VAV2: variants seen among roughly 807,000 people sequenced by gnomAD.
VAV2 encodes the protein guanine nucleotide exchange factor VAV2.
VAV2 carries 67 observed loss-of-function variants against 132.5 expected under a neutral mutation model. The observed-to-expected ratio is 0.51, with a 90% confidence interval of 0.42 to 0.62. The LOEUF is 0.62. Among genes scored for constraint, VAV2 ranks in the 20% least tolerant of loss-of-function variants. The probability of loss-of-function intolerance (pLI) is 0.00; values close to 1 mark genes in which losing one functional copy is unlikely to be tolerated. For missense variants in VAV2, 938 were observed against 1,153.6 expected (o/e 0.81, Z 2.71); for synonymous variants, 492 against 443.5 (o/e 1.11, Z -1.37).
rs766419867 is a variant in VAV2 at position 133,769,507 on chromosome 9, CAA to C, written c.2348-6_2348-5del. 5.0e-6 allele frequency: 8 copies of C among 1,610,342 alleles called. No individual in the cohort carries two copies. The highest frequency in any genetic ancestry group is 6.8e-6 in the Non-Finnish European group (8 of 1,178,422). ...AAGTTGTAGGAAGCACAGGAAGCTGCAAAGAGGCGAGAGAGAACGTGAGGCGG... is the reference window on the plus strand; with the variant it reads ...AAGTTGTAGGAAGCACAGGAAGCTGCAGAGGCGAGAGAGAACGTGAGGCGG... On this transcript the variant is annotated splice_region_variant and splice_polypyrimidine_tract_variant and intron_variant, in intron 27 of 29. Coordinates refer to ENST00000371850, the MANE Select transcript of VAV2 (RefSeq NM_001134398.2). This position sits in a 1 kb window ranked among gnomAD's most constrained non-coding sequence, Gnocchi z 8.1.
At chr9:133,989,283 G>A (rs1842943629) in intron 1 of VAV2, among the ~76,000 whole-genome samples, 2 of 151,066 alleles carry the variant, frequency 1.3e-5, no homozygotes, top group Admixed American at 6.6e-5. Context: ...ATGTTGTGGT[G>A]AGCTGAGATA....
intron 1 of VAV2, among the ~76,000 whole-genome samples, chr9:133,988,174 C>T (rs1842913489): frequency 1.3e-5 from 2 of 152,144 alleles, no homozygotes; most frequent in African/African-American, 4.8e-5. Context: ...GGCAACTCCC[C>T]GCCGTGTGCG....
chr9:133,896,962 C>T (rs1012474787), intron 2 of VAV2, among the ~76,000 whole-genome samples: 23 of 151,870 alleles, frequency 1.5e-4, no homozygotes, highest in South Asian at 4.2e-4. Context: ...GGCGTGGTGG[C>T]GGGCGCCTGT....
intron 1 of VAV2, among the ~76,000 whole-genome samples, chr9:133,952,064 T>C (rs654182): frequency 0.24 from 37,062 of 151,822 alleles, 4,602 homozygotes; most frequent in East Asian, 0.41. Flanking sequence ...ATCCTATTCA[T>C]GAAGGGTCCG....
Position 133,956,159 on chromosome 9 carries a change from A to G in VAV2, c.205-16940T>C, listed in dbSNP as rs79050616. Among the ~76,000 whole-genome samples, 800 of 152,138 alleles carry G rather than the reference A, an allele frequency of 5.3e-3. 7 individuals carry two copies. Among genetic ancestry groups the G allele is most frequent in the East Asian group, 0.015 (78 of 5,110 alleles). ...TGAATGAATTCCCTGGATTCCTGAG[A>G]AGGAGGGAGCTTCCTCACTGGTTCA... On this transcript the variant is annotated intron_variant, in intron 1 of 29. Transcript: ENST00000371850.
intron 2 of VAV2, among the ~76,000 whole-genome samples, chr9:133,927,612 CCTTT>C (rs1355255768): frequency 6.6e-6 from 1 of 152,156 alleles, no homozygotes; most frequent in Non-Finnish European, 1.5e-5. Context: ...TGCACCCTTG[CCTTT>C]CTGTCTGGAG....
At chr9:133,799,302 G>A (rs1417108985) in intron 9 of VAV2, among the ~76,000 whole-genome samples, 1 of 152,226 alleles carries the variant, frequency 6.6e-6, no homozygotes, top group Non-Finnish European at 1.5e-5. Flanking sequence ...ACCACGGCCA[G>A]GGCCGCCAGA....
intron 25 of VAV2, among the ~76,000 whole-genome samples, chr9:133,774,353 C>G (rs1833736919): frequency 2.6e-5 from 4 of 152,210 alleles, no homozygotes; most frequent in Admixed American, 1.3e-4. Flanking sequence ...CTGAGAATTT[C>G]TTTCAGGTGG....
intron 1 of VAV2, among the ~76,000 whole-genome samples, chr9:133,979,223 C>T (rs1041022721): frequency 1.3e-5 from 2 of 152,318 alleles, no homozygotes; most frequent in Admixed American, 6.5e-5. Context: ...GGCTGACAGC[C>T]GGGTCCTCGG....
rs764303626 is a variant in VAV2 at position 133,791,849 on chromosome 9, A to G, written c.1122T>C (p.Asn374=). The G allele has an allele frequency of 1.6e-5, 26 of 1,609,474 alleles. No individual in the cohort carries two copies. The highest frequency in any genetic ancestry group is 2.2e-5 in the Non-Finnish European group (26 of 1,178,532). Residue 374 remains asparagine, a synonymous_variant, in exon 13 of 30, where the codon AAT becomes AAC. Transcript: ENST00000371850. ...EAMQDLAMYI[N]EVKRDKETLR... is the part of the protein sequence containing the mutation. Reference sequence around the variant, plus strand: ...AGGTCTCCTTGTCCCGTTTAACTTCATTGATGTACATCGCCAAGTCCTTGA... The same window carrying G: ...AGGTCTCCTTGTCCCGTTTAACTTCGTTGATGTACATCGCCAAGTCCTTGA...
chr9:133,900,908 C>T (rs892549188), intron 2 of VAV2, among the ~76,000 whole-genome samples: 1 of 151,864 alleles, frequency 6.6e-6, no homozygotes, highest in African/African-American at 2.4e-5. Flanking sequence ...GTGCAATTCT[C>T]CTGTCTCAGC....
At chr9:133,956,957 G>T (rs751470398) in intron 1 of VAV2, among the ~76,000 whole-genome samples, 2 of 152,180 alleles carry the variant, frequency 1.3e-5, no homozygotes, top group Non-Finnish European at 1.5e-5. Context: ...AGTCCTGGGC[G>T]CACCTGTTTG....
At chr9:133,917,763 TG>T (rs1840150015) in intron 2 of VAV2, among the ~76,000 whole-genome samples, 1 of 152,234 alleles carries the variant, frequency 6.6e-6, no homozygotes, top group African/African-American at 2.4e-5. Context: ...TGACCTATGC[TG>T]GGCCCCCAAG....
rs145653209 is a variant in VAV2 at position 133,806,886 on chromosome 9, G to C, written c.735+372C>G. 8.5e-5 allele frequency among the ~76,000 whole-genome samples: 13 copies of C among 152,364 alleles called. No homozygotes were observed. In the East Asian group the frequency reaches 2.5e-3, roughly 29 times the overall value. On this transcript the variant is annotated intron_variant, in intron 8 of 29. Coordinates refer to ENST00000371850, the MANE Select transcript of VAV2 (RefSeq NM_001134398.2). ...TAGGTGACTCTTTGCATGGGGAACT[G>C]CCTTTCTATGACTGAGTTCAGACAC...
At chr9:133,772,607 C>T (rs557505048) in intron 25 of VAV2, among the ~76,000 whole-genome samples, 5 of 150,800 alleles carry the variant, frequency 3.3e-5, no homozygotes, top group African/African-American at 9.8e-5. Flanking sequence ...CCCCATATCC[C>T]TCCCCTGAAT....
intron 3 of VAV2, among the ~76,000 whole-genome samples, chr9:133,851,795 GAATA>G (rs1837182411): frequency 6.9e-6 from 1 of 144,740 alleles, no homozygotes; most frequent in Non-Finnish European, 1.5e-5. Flanking sequence ...ATGGATGGGT[GAATA>G]AATGGATGGA....
intron 5 of VAV2, among the ~76,000 whole-genome samples, chr9:133,810,783 AC>A (rs1316575046): frequency 2.6e-5 from 4 of 152,102 alleles, no homozygotes; most frequent in Non-Finnish European, 5.9e-5. Flanking sequence ...GGGAGCACCC[AC>A]TCTCACCAGG....
At chr9:133,970,636 A>G (rs1417572546) in intron 1 of VAV2, among the ~76,000 whole-genome samples, 4 of 152,244 alleles carry the variant, frequency 2.6e-5, no homozygotes, top group African/African-American at 4.8e-5. Flanking sequence ...CAGCACCTCC[A>G]ACTTCGAAGC....
At chr9:133,943,511 C>CA (rs1287202424) in intron 1 of VAV2, among the ~76,000 whole-genome samples, 1 of 152,204 alleles carries the variant, frequency 6.6e-6, no homozygotes, top group Non-Finnish European at 1.5e-5. Flanking sequence ...GGACCCCCCA[C>CA]AAAGGCAGCC....
Sources: allele counts gnomAD v4.1 joint callset (sites outside exome capture counted in the v4.1 genomes callset), GRCh38; gene constraint gnomAD v4.1.1; non-coding constraint Gnocchi (gnomAD v3.1); transcripts MANE v1.5; gene names NCBI Gene and HGNC (gene_info 2026-07-23, HGNC 2026-07-21).